ZNF398: variants seen among roughly 807,000 people sequenced by gnomAD.
ZNF398 encodes the protein zinc finger DNA binding protein ZER6.
Under a neutral mutation model 41.9 loss-of-function variants are expected in ZNF398, and 18 were observed. The ratio of observed to expected loss-of-function variants is 0.43; its 90% CI spans 0.30 to 0.64. The LOEUF is 0.64. Ranked by LOEUF, ZNF398 falls within the 30% of genes least tolerant of loss-of-function variation. ZNF398 has a pLI of 0.14. For synonymous variants in ZNF398, 260 were observed against 308.8 expected, an observed-to-expected ratio of 0.84 and a Z score of 1.66; for missense variants, 669 against 822.8, an observed-to-expected ratio of 0.81 and a Z score of 2.29.
At chr7:149,154,479 G>A (rs1794928644) in intron 2 of ZNF398, 139 bp downstream of exon 2, 11 of 1,064,422 alleles carry the variant, frequency 1.0e-5, no homozygotes, top group African/African-American at 1.6e-5. Flanking sequence ...TCATGAAGGT[G>A]TTTTATGTTT....
At position 149,167,115 on chromosome 7, in the gene ZNF398, C is replaced by G. The variant is rs188183256; in HGVS notation, c.661+185C>G. 2.6e-5 allele frequency among the ~76,000 whole-genome samples: 4 copies of G among 152,322 alleles called. No individual in the cohort carries two copies. In the East Asian group the frequency reaches 5.8e-4, roughly 22 times the overall value. Reference sequence around the variant, plus strand: ...AGGTCACCTTGTCCAGTGTCTTCACCTATCAGTACTACACACCTAACAGTT... The same window carrying G: ...AGGTCACCTTGTCCAGTGTCTTCACGTATCAGTACTACACACCTAACAGTT... On this transcript the variant is annotated intron_variant, in intron 4 of 5. Coordinates refer to ENST00000475153, the MANE Select transcript of ZNF398 (RefSeq NM_170686.3).
Position 149,147,693 on chromosome 7 carries a change from C to T in ZNF398, c.-50C>T, listed in dbSNP as rs1826986125. 5 of 1,276,932 alleles carry T rather than the reference C, an allele frequency of 3.9e-6. No individual in the cohort carries two copies. The highest frequency in any genetic ancestry group is 3.2e-5 in the East Asian group (1 of 31,296). The allele number at this position is 1,276,932 out of a possible 1,614,324, so 79.1% of individuals were successfully genotyped here. Reference sequence around the variant, plus strand: ...TGCTTGGAGCCGGGCGCGGTGGCAGCGGCGGCAGCGGCGGCGACTTCCGAG... The same window carrying T: ...TGCTTGGAGCCGGGCGCGGTGGCAGTGGCGGCAGCGGCGGCGACTTCCGAG... On this transcript the variant is annotated 5_prime_UTR_variant, in exon 1 of 6. Transcript: ENST00000475153. This position sits in a 1 kb window ranked among gnomAD's most constrained non-coding sequence, Gnocchi z 5.6.
intron 1 of ZNF398, among the ~76,000 whole-genome samples, chr7:149,150,482 C>T (rs758494617): frequency 6.6e-6 from 1 of 151,966 alleles, no homozygotes; most frequent in African/African-American, 2.4e-5. Flanking sequence ...GCCTGTGGTC[C>T]CGGCTACTCG....
intron 3 of ZNF398, among the ~76,000 whole-genome samples, 176 bp from the exon 4 acceptor site, chr7:149,166,641 G>T (rs1044706110): frequency 1.3e-5 from 2 of 152,178 alleles, no homozygotes; most frequent in Non-Finnish European, 2.9e-5. Flanking sequence ...TCCACTGCCT[G>T]CTTTCCTGAA....
At chr7:149,144,494 A>G (rs1585509436), upstream of ZNF398, among the ~76,000 whole-genome samples, 2 of 152,056 alleles carry the variant, frequency 1.3e-5, no homozygotes, top group East Asian at 3.8e-4. Flanking sequence ...TTTTTTATGG[A>G]GACAGGGTCC....
In ZNF398 at chr7:149,179,890, C is replaced by A; in HGVS notation, c.*89C>A. 1.6e-6 allele frequency: 2 copies of A among 1,220,102 alleles called. No homozygotes were observed. The highest frequency in any genetic ancestry group is 2.3e-6 in the Non-Finnish European group (2 of 886,620). The allele number at this position is 1,220,102 out of a possible 1,614,324, so 75.6% of individuals were successfully genotyped here. ...GTCTGTGAGCCCCATCCAACACCCA[C>A]AGTAATTATTATCTGGCACATCAAT... On this transcript the variant is annotated 3_prime_UTR_variant, in exon 6 of 6. Transcript: ENST00000475153. This position sits in a 1 kb window ranked among gnomAD's most constrained non-coding sequence, Gnocchi z 6.1.
At chr7:149,136,511 A>G (rs541020493) in intron 2 of ZNF398, among the ~76,000 whole-genome samples, 10 of 152,316 alleles carry the variant, frequency 6.6e-5, no homozygotes, top group African/African-American at 2.4e-4. Flanking sequence ...TTTGCATATG[A>G]AAGTCCAATA....
intron 1 of ZNF398, among the ~76,000 whole-genome samples, chr7:149,153,224 C>G (rs1162652790): frequency 6.6e-6 from 1 of 152,096 alleles, no homozygotes; most frequent in East Asian, 1.9e-4. Context: ...ACACCTGTAG[C>G]CCCAGCTACT....
At chr7:149,169,803 C>T (rs1795295756) in intron 4 of ZNF398, among the ~76,000 whole-genome samples, 1 of 151,990 alleles carries the variant, frequency 6.6e-6, no homozygotes, top group Non-Finnish European at 1.5e-5. Flanking sequence ...GTTGGAGGGC[C>T]CAAAGACCAC....
chr7:149,145,155 G>T (rs1379777380), upstream of ZNF398, among the ~76,000 whole-genome samples: 1 of 152,152 alleles, frequency 6.6e-6, no homozygotes, highest in Non-Finnish European at 1.5e-5. Flanking sequence ...GTGATTTACA[G>T]ATAGTTATAC....
At chr7:149,169,482 G>C (rs1246340322) in intron 4 of ZNF398, among the ~76,000 whole-genome samples, 2 of 152,056 alleles carry the variant, frequency 1.3e-5, no homozygotes, top group African/African-American at 4.8e-5. Flanking sequence ...GCCCAGGCTA[G>C]AGTGCAGTGC....
At chr7:149,157,526 G>C (rs1296721816) in intron 2 of ZNF398, among the ~76,000 whole-genome samples, 3 of 126,114 alleles carry the variant, frequency 2.4e-5, no homozygotes, top group African/African-American at 9.1e-5. Context: ...CAGAGACTCC[G>C]TCTCAAAAAA....
chr7:149,171,881 G>A (rs900145174), intron 4 of ZNF398, among the ~76,000 whole-genome samples: 2 of 152,028 alleles, frequency 1.3e-5, no homozygotes, highest in African/African-American at 4.8e-5. Context: ...GTTGCCCAGT[G>A]TGGTCTCAAA....
In ZNF398 at chr7:149,147,665, G is replaced by T; in HGVS notation, c.-78G>T. ...CCTGTGGAGAGGACCCGGCGGCCGGGCCTGCTTGGAGCCGGGCGCGGTGGC... is the reference window on the plus strand; with the variant it reads ...CCTGTGGAGAGGACCCGGCGGCCGGTCCTGCTTGGAGCCGGGCGCGGTGGC... On this transcript the variant is annotated 5_prime_UTR_variant, in exon 1 of 6. Transcript: ENST00000475153. The surrounding 1 kb of genome is among the most constrained non-coding windows in gnomAD (Gnocchi z 5.6). 1 of 1,249,230 alleles carries T rather than the reference G, an allele frequency of 8.0e-7. No homozygotes were observed. Among genetic ancestry groups the T allele is most frequent in the Non-Finnish European group, 1.0e-6 (1 of 997,768 alleles). The allele number at this position is 1,249,230 out of a possible 1,614,324, so 77.4% of individuals were successfully genotyped here.
At chr7:149,139,873 C>T (rs1409049721) in intron 2 of ZNF398, among the ~76,000 whole-genome samples, 1 of 151,282 alleles carries the variant, frequency 6.6e-6, no homozygotes, top group African/African-American at 2.4e-5. Flanking sequence ...GGCGTGGTGG[C>T]GGGCACCTGT....
chr7:149,149,688 T>C (rs1412187642), intron 1 of ZNF398, among the ~76,000 whole-genome samples: 1 of 151,958 alleles, frequency 6.6e-6, no homozygotes, highest in Non-Finnish European at 1.5e-5. Flanking sequence ...AAAAATTTTT[T>C]TTTTTAAATT....
At chr7:149,149,532 T>C (rs1407361617) in intron 1 of ZNF398, among the ~76,000 whole-genome samples, 1 of 151,760 alleles carries the variant, frequency 6.6e-6, no homozygotes, top group Non-Finnish European at 1.5e-5. Flanking sequence ...CCCGGCCTCA[T>C]GTAATCGATT....
chr7:149,155,730 A>ATTTTT (rs148643688), intron 2 of ZNF398, among the ~76,000 whole-genome samples: 17 of 92,362 alleles, frequency 1.8e-4, no homozygotes, highest in Non-Finnish European at 1.8e-4. Context: ...TTTTTTTTTT[A>ATTTTT]ATTTTTTTTT....
intron 5 of ZNF398, among the ~76,000 whole-genome samples, chr7:149,178,319 A>G (rs1795511038): frequency 6.6e-6 from 1 of 151,882 alleles, no homozygotes; most frequent in African/African-American, 2.4e-5. Context: ...TGAGCACGGT[A>G]GTGCATGCCT....
Sources: gnomAD v4.1 joint callset for allele counts (sites outside exome capture counted in the v4.1 genomes callset) on GRCh38, gnomAD v4.1.1 for gene constraint, Gnocchi (gnomAD v3.1) non-coding constraint, MANE v1.5 for transcripts, NCBI Gene and HGNC (gene_info 2026-07-23, HGNC 2026-07-21) for gene names.